TFG: variants seen among roughly 807,000 people sequenced by gnomAD.
The protein encoded by TFG is protein TFG.
A neutral mutation model predicts 51.4 loss-of-function variants in TFG; 22 were observed. The observed-to-expected ratio is 0.43, with a 90% CI of 0.31 to 0.61. The LOEUF (loss-of-function observed/expected upper bound fraction) is 0.61. Among genes scored for constraint, TFG ranks in the 20% least tolerant of loss-of-function variants. The pLI, the probability that TFG is intolerant of heterozygous loss-of-function variation, is 0.12. For missense variants in TFG, 419 were observed against 487.7 expected, an observed-to-expected ratio of 0.86 and a Z score of 1.33; for synonymous variants, 187 against 165.6, an observed-to-expected ratio of 1.13 and a Z score of -0.99.
chr3:100,731,709 A>G (rs1392525815), intron 4 of TFG, among the ~76,000 whole-genome samples: 1 of 151,930 alleles, frequency 6.6e-6, no homozygotes, highest in Non-Finnish European at 1.5e-5. Flanking sequence ...GGCATGCATC[A>G]CTGTGCCTAG....
chr3:100,743,846 A>G (rs2095128047), intron 6 of TFG: 1 of 151,750 alleles, frequency 6.6e-6, no homozygotes, highest in Admixed American at 6.6e-5. Flanking sequence ...TGGTTTGCTC[A>G]TAGTCTTTTG....
chr3:100,729,612 CTTTG>C (rs1249708248), intron 4 of TFG, among the ~76,000 whole-genome samples: 2 of 151,552 alleles, frequency 1.3e-5, no homozygotes, highest in Non-Finnish European at 2.9e-5. Flanking sequence ...TTTACAAATT[CTTTG>C]TTTGCTTATA....
At position 100,748,397 on chromosome 3, in the gene TFG, T is replaced by C. The variant is rs2095155541; in HGVS notation, c.1069T>C (p.Tyr357His). 1 of 1,614,152 alleles carries C rather than the reference T, an allele frequency of 6.2e-7. No individual in the cohort carries two copies. Among genetic ancestry groups the C allele is most frequent in the Non-Finnish European group, 8.5e-7 (1 of 1,180,004 alleles). The part of the protein sequence containing the change: ...PGMAPSQPGA[Y>H]QPRPGFTSLP... ...AATGGCTCCAAGCCAACCTGGGGCC[T>C]ATCAACCAAGACCAGGTTTTACTTC... Residue 357 changes from tyrosine (Y) to histidine (H), a missense_variant, in exon 8 of 8, where the codon TAT becomes CAT. Physicochemically the swap from Tyr to His is moderately conservative, Grantham distance 83. Around this residue, in one of 3 missense-constraint regions of TFG, gnomAD observed 391 missense variants for 434.4 expected, o/e 0.90. Transcript: ENST00000240851.
At chr3:100,710,215 T>A (rs1162197863) in intron 1 of TFG, 1 of 152,234 alleles carries the variant, frequency 6.6e-6, no homozygotes, top group Admixed American at 6.5e-5. Flanking sequence ...CAGCGCTTAA[T>A]CAAGCGCCGG....
intron 2 of TFG, among the ~76,000 whole-genome samples, chr3:100,716,391 A>T (rs1028082742): frequency 1.3e-5 from 2 of 152,086 alleles, no homozygotes; most frequent in Admixed American, 1.3e-4. Flanking sequence ...TTATGGCTGA[A>T]TTGTATTCCA....
chr3:100,722,876 GA>G (rs1339433896), intron 3 of TFG, among the ~76,000 whole-genome samples: 1 of 152,190 alleles, frequency 6.6e-6, no homozygotes, highest in Admixed American at 6.5e-5. Context: ...TCTTCATCAA[GA>G]AGGAAATTTA....
chr3:100,747,031 TA>T lies in TFG; in HGVS notation c.821-1115del, dbSNP rs3839089. On this transcript the variant is annotated intron_variant, in intron 7 of 7. Coordinates refer to ENST00000240851, the MANE Select transcript of TFG (RefSeq NM_006070.6). The stretch of plus-strand genomic sequence containing the variant: ...TATTAAGAACTAAGCTTGCTCTTAA[TA>T]AATTTAGTCAGGGTCTTCACTCTGA... Among the ~76,000 whole-genome samples, 13 of 152,350 alleles carry T rather than the reference TA, an allele frequency of 8.5e-5. No homozygotes were observed. The East Asian group carries it at 2.1e-3, about 25-fold the overall frequency.
intron 5 of TFG, among the ~76,000 whole-genome samples, chr3:100,736,144 T>C (rs1266457212): frequency 2.0e-5 from 3 of 152,068 alleles, no homozygotes; most frequent in Non-Finnish European, 4.4e-5. Flanking sequence ...AAGGGAGGCA[T>C]GTGAGAAGAG....
At chr3:100,728,564 T>C in intron 3 of TFG, 148 bp from the exon 4 acceptor site, 1 of 465,592 alleles carries the variant, frequency 2.1e-6, no homozygotes, top group Non-Finnish European at 3.5e-6. Flanking sequence ...TAGAGAATTC[T>C]TTTTTTTTAA....
chr3:100,715,000 T>C (rs2095041700), intron 2 of TFG, among the ~76,000 whole-genome samples: 1 of 152,224 alleles, frequency 6.6e-6, no homozygotes, highest in Non-Finnish European at 1.5e-5. Flanking sequence ...TGTTTTTTAC[T>C]GTGGAACTTA....
chr3:100,740,931 G>C (rs2095119586), intron 6 of TFG, among the ~76,000 whole-genome samples: 1 of 152,112 alleles, frequency 6.6e-6, no homozygotes, highest in Non-Finnish European at 1.5e-5. Context: ...GATTATAATG[G>C]AGGTGAAAAA....
chr3:100,741,076 T>A (rs1231919153), intron 6 of TFG, among the ~76,000 whole-genome samples: 3 of 152,194 alleles, frequency 2.0e-5, no homozygotes, highest in African/African-American at 7.2e-5. Flanking sequence ...GGGTAGTACC[T>A]AATACTTGAT....
chr3:100,742,514 A>T (rs569340136), intron 6 of TFG: 1 of 152,196 alleles, frequency 6.6e-6, no homozygotes, highest in African/African-American at 2.4e-5. Flanking sequence ...GTGGGGACCA[A>T]CCCTGACAGG....
chr3:100,713,936 T>G lies in TFG; in HGVS notation c.184+67T>G, dbSNP rs1231931603. On this transcript the variant is annotated intron_variant, in intron 2 of 7. Transcript: ENST00000240851. ...AAAAAAAAAAAAAAGACAGAGCCTC[T>G]GTTGCCCAGGCTGGAGTACAGTGGT... The G allele has an allele frequency of 3.7e-6, 4 of 1,069,610 alleles. No individual in the cohort carries two copies. In the Admixed American group the frequency reaches 1.1e-4, roughly 30 times the overall value. 66.3% of individuals were successfully genotyped at this position (1,069,610 alleles called of 1,614,324 possible).
At chr3:100,711,897 A>AGCATTGCAGAAG (rs896328610) in intron 1 of TFG, among the ~76,000 whole-genome samples, 18 of 152,118 alleles carry the variant, frequency 1.2e-4, no homozygotes, top group Admixed American at 2.0e-4. Flanking sequence ...GAATACCGAA[A>AGCATTGCAGAAG]GCATTGCAGA....
At chr3:100,738,076 A>G (rs2095111438) in intron 6 of TFG, among the ~76,000 whole-genome samples, 1 of 41,464 alleles carries the variant, frequency 2.4e-5, no homozygotes, top group Non-Finnish European at 8.2e-5. Flanking sequence ...TCTCAAAAAC[A>G]AACAAAGCCA....
chr3:100,728,801 T>G lies in TFG; in HGVS notation c.358T>G (p.Leu120Val). 1 of 1,612,428 alleles carries G rather than the reference T, an allele frequency of 6.2e-7. No individual in the cohort carries two copies. Among genetic ancestry groups the G allele is most frequent in the Non-Finnish European group, 8.5e-7 (1 of 1,179,204 alleles). ...ACTTCGAAATAAAGTGAATCGTTTA[T>G]TGGATAGCTTGGAACCACCTGGAGA... ...IELRNKVNRL[L>V]DSLEPPGEPG... Residue 120 changes from leucine to valine, a missense_variant, in exon 4 of 8, where the codon TTG (leucine) becomes GTG (valine). Around this residue, in one of 3 missense-constraint regions of TFG, gnomAD observed 391 missense variants for 434.4 expected, o/e 0.90. Transcript: ENST00000240851.
intron 4 of TFG, 140 bp downstream of exon 4, chr3:100,728,998 T>C: frequency 1.4e-6 from 1 of 696,098 alleles, no homozygotes. Context: ...CTAGTATTTA[T>C]GTCTGTGTTC....
intron 2 of TFG, among the ~76,000 whole-genome samples, chr3:100,716,383 A>G (rs9811878): frequency 0.39 from 58,792 of 151,914 alleles, 11,607 homozygotes; most frequent in South Asian, 0.49. Flanking sequence ...ATTCTTTTTT[A>G]TGGCTGAATT....
Sources: allele counts gnomAD v4.1 joint callset (sites outside exome capture counted in the v4.1 genomes callset), GRCh38; gene constraint gnomAD v4.1.1; regional missense constraint gnomAD v4.1.1; transcripts MANE v1.5; gene names NCBI Gene and HGNC (gene_info 2026-07-23, HGNC 2026-07-21).